ABCC4: variants seen among roughly 807,000 people sequenced by gnomAD.
ABCC4 encodes ATP-binding cassette sub-family C member 4.
ABCC4 carries 102 observed loss-of-function variants against 168.5 expected under a neutral mutation model. The ratio of observed to expected loss-of-function variants is 0.61; its 90% confidence interval spans 0.52 to 0.71. ABCC4 has a LOEUF of 0.71. Ranked by LOEUF, ABCC4 falls within the 30% of genes least tolerant of loss-of-function variation. The probability of loss-of-function intolerance (pLI) is 0.00; values close to 1 mark genes in which losing one functional copy is unlikely to be tolerated. For missense variants in ABCC4, 1,402 were observed against 1,605.8 expected (o/e 0.87, Z 2.17); for synonymous variants, 617 against 590.7 (o/e 1.04, Z -0.65).
At chr13:95,079,764 G>A (rs1363378305) in intron 21 of ABCC4, among the ~76,000 whole-genome samples, 1 of 152,158 alleles carries the variant, frequency 6.6e-6, no homozygotes. Flanking sequence ...GAACTCGGGA[G>A]GTGGAAGTTG....
chr13:95,077,623 C>G (rs992187685), intron 21 of ABCC4, among the ~76,000 whole-genome samples: 2 of 152,146 alleles, frequency 1.3e-5, no homozygotes, highest in African/African-American at 4.8e-5. Flanking sequence ...CAGGTGTGAG[C>G]CACCGTGCGT....
intron 4 of ABCC4, among the ~76,000 whole-genome samples, chr13:95,226,231 G>T (rs1021130466): frequency 1.3e-5 from 2 of 151,562 alleles, no homozygotes; most frequent in Non-Finnish European, 2.9e-5. Flanking sequence ...TGTAAAACTT[G>T]AAAAGCTGAT....
chr13:95,138,617 A>G (rs1403867684), intron 19 of ABCC4, among the ~76,000 whole-genome samples: 2 of 152,166 alleles, frequency 1.3e-5, no homozygotes, highest in African/African-American at 2.4e-5. Flanking sequence ...TGAGGCCAGG[A>G]GTTCAAGACC....
intron 1 of ABCC4, among the ~76,000 whole-genome samples, chr13:95,248,181 G>A (rs959146596): frequency 3.9e-5 from 6 of 152,176 alleles, no homozygotes; most frequent in South Asian, 4.1e-4. Flanking sequence ...CCAGCTTGAC[G>A]GGGTCCCACT....
At chr13:95,141,491 G>A (rs903757067) in intron 19 of ABCC4, among the ~76,000 whole-genome samples, 2 of 151,594 alleles carry the variant, frequency 1.3e-5, no homozygotes, top group African/African-American at 4.8e-5. Context: ...AACAAAGAAT[G>A]TACCATAAAT....
intron 1 of ABCC4, among the ~76,000 whole-genome samples, chr13:95,285,277 G>A (rs1286851039): frequency 6.0e-5 from 9 of 151,064 alleles, no homozygotes; most frequent in East Asian, 3.9e-4. Flanking sequence ...GGGGCCAGGC[G>A]TGGTAGCTTA....
intron 19 of ABCC4, among the ~76,000 whole-genome samples, chr13:95,152,113 CAGG>C (rs971623001): frequency 1.9e-4 from 29 of 152,174 alleles, no homozygotes; most frequent in African/African-American, 6.5e-4. Flanking sequence ...TGGTAAACAA[CAGG>C]AGAACTTGGT....
intron 20 of ABCC4, among the ~76,000 whole-genome samples, chr13:95,087,330 C>T (rs1474819455): frequency 6.6e-6 from 1 of 152,136 alleles, no homozygotes; most frequent in African/African-American, 2.4e-5. Context: ...CCAGCCTGGG[C>T]AACATGGCGA....
chr13:95,071,778 G>A lies in ABCC4; in HGVS notation c.3094C>T (p.Pro1032Ser). 1 of 1,608,402 alleles carries A rather than the reference G, an allele frequency of 6.2e-7. No individual in the cohort carries two copies. Among genetic ancestry groups the A allele is most frequent in the Non-Finnish European group, 8.5e-7 (1 of 1,177,434 alleles). ...EAPWEYQKRP[P>S]PAWPHEGVII... ...ACTCCTTCATGGGGCCAGGCTGGTGGTGGGCGTTTCTGATATTCCCAAGGT... is the reference window on the plus strand; with the variant it reads ...ACTCCTTCATGGGGCCAGGCTGGTGATGGGCGTTTCTGATATTCCCAAGGT... Residue 1032 changes from proline (P) to serine (S), a missense_variant, in exon 25 of 31, where the codon CCA (proline) becomes TCA (serine). By Grantham distance (74) the Pro-to-Ser change is moderately conservative. Around this residue, in one of 3 missense-constraint regions of ABCC4, gnomAD observed 1,007 missense variants for 1,127.3 expected, o/e 0.89. Coordinates refer to ENST00000645237, the MANE Select transcript of ABCC4 (RefSeq NM_005845.5).
chr13:95,272,964 T>TACAC (rs764264709), intron 1 of ABCC4, among the ~76,000 whole-genome samples: 3 of 151,018 alleles, frequency 2.0e-5, no homozygotes, highest in Non-Finnish European at 1.5e-5. Flanking sequence ...CACAAAATCA[T>TACAC]ACACACACAC....
At chr13:95,092,624 C>T (rs1446757534) in intron 20 of ABCC4, among the ~76,000 whole-genome samples, 1 of 151,972 alleles carries the variant, frequency 6.6e-6, no homozygotes, top group African/African-American at 2.4e-5. Context: ...ATTGAAAAAG[C>T]TGAAAGAGCA....
intron 19 of ABCC4, among the ~76,000 whole-genome samples, chr13:95,118,856 C>A (rs1292107281): frequency 6.6e-6 from 1 of 152,206 alleles, no homozygotes; most frequent in Non-Finnish European, 1.5e-5. Context: ...GCTGCTGATT[C>A]TGCCCTTACA....
At chr13:95,041,231 A>G (rs1006329688) in intron 29 of ABCC4, among the ~76,000 whole-genome samples, 5 of 152,364 alleles carry the variant, frequency 3.3e-5, no homozygotes, top group Non-Finnish European at 5.9e-5. Context: ...AATAAAGTTA[A>G]AACTGGGAGA....
intron 20 of ABCC4, among the ~76,000 whole-genome samples, chr13:95,110,701 C>T (rs1338630656): frequency 6.6e-6 from 1 of 152,076 alleles, no homozygotes; most frequent in Non-Finnish European, 1.5e-5. Context: ...AGCGCAGTGC[C>T]TCATGTCTGT....
At chr13:95,080,802 C>T (rs780386520) in intron 21 of ABCC4, among the ~76,000 whole-genome samples, 5 of 152,022 alleles carry the variant, frequency 3.3e-5, no homozygotes, top group African/African-American at 4.8e-5. Context: ...CATTAAATGC[C>T]GGCTATGACT....
Position 95,267,079 on chromosome 13 carries a change from G to A in ABCC4, c.75-19326C>T, listed in dbSNP as rs545324568. ...TTTAGTAGAGATGGGGTTTCACCAT[G>A]TTATGTTGGAAAGGCTGGTCTCAAA... On this transcript the variant is annotated intron_variant, in intron 1 of 30. Transcript: ENST00000645237. 2.6e-5 allele frequency among the ~76,000 whole-genome samples: 4 copies of A among 152,070 alleles called. No homozygotes were observed. The South Asian group carries it at 6.2e-4, about 24-fold the overall frequency.
intron 8 of ABCC4, among the ~76,000 whole-genome samples, chr13:95,198,507 G>C (rs1389143523): frequency 6.6e-6 from 1 of 152,196 alleles, no homozygotes; most frequent in African/African-American, 2.4e-5. Context: ...TACATTGTTG[G>C]TGGGAGTGTA....
intron 18 of ABCC4, 88 bp downstream of exon 18, chr13:95,163,034 A>C: frequency 1.2e-6 from 1 of 845,886 alleles, no homozygotes. Context: ...GACATTACTG[A>C]ATGACTCCTG....
intron 19 of ABCC4, among the ~76,000 whole-genome samples, chr13:95,143,730 T>C (rs2036395393): frequency 6.6e-6 from 1 of 152,112 alleles, no homozygotes; most frequent in South Asian, 2.1e-4. Flanking sequence ...TCCTAACATA[T>C]GACCGGTTAA....
Sources: allele counts gnomAD v4.1 joint callset (sites outside exome capture counted in the v4.1 genomes callset), GRCh38; gene constraint gnomAD v4.1.1; regional missense constraint gnomAD v4.1.1; transcripts MANE v1.5; gene names NCBI Gene and HGNC (gene_info 2026-07-23, HGNC 2026-07-21).